Variants in TMEM132D observed in about 807,000 individuals in gnomAD.
The protein encoded by TMEM132D is mature OL transmembrane protein.
A neutral mutation model predicts 62.3 loss-of-function variants in TMEM132D; 21 were observed. The observed-to-expected ratio is 0.34, with a 90% CI of 0.24 to 0.49. The LOEUF (loss-of-function observed/expected upper bound fraction) is 0.49, where lower values mean the gene tolerates loss of function less well. TMEM132D is among the 20% of genes least tolerant of loss of function. The probability of loss-of-function intolerance (pLI) is 0.99; values close to 1 mark genes in which losing one functional copy is unlikely to be tolerated. For synonymous variants in TMEM132D, 621 were observed against 575.6 expected (o/e 1.08, Z -1.13); for missense variants, 1,346 against 1,402.8 (o/e 0.96, Z 0.65).
rs1187814264 is a variant in TMEM132D, at chr12:129,770,007, T to TG, written c.80-69310dup. On this transcript the variant is annotated intron_variant, in intron 1 of 8. Coordinates refer to ENST00000422113, the MANE Select transcript of TMEM132D (RefSeq NM_133448.3). ...CTTTTATTTTTAATTTTTGTGGAGA[T>TG]GGGGGTCTTGATTTGTTGCTGAAGC... Among the ~76,000 whole-genome samples, 25 of 151,838 alleles carry TG rather than the reference T, an allele frequency of 1.6e-4. 2 individuals carry two copies. The highest frequency in any genetic ancestry group is 4.6e-4 in the African/African-American group (19 of 41,394).
intron 2 of TMEM132D, among the ~76,000 whole-genome samples, chr12:129,604,079 C>T (rs1218325333): frequency 2.0e-5 from 3 of 152,080 alleles, no homozygotes; most frequent in Non-Finnish European, 4.4e-5. Flanking sequence ...GAAAACCAAA[C>T]ACTGCATGTT....
intron 5 of TMEM132D, among the ~76,000 whole-genome samples, chr12:129,105,688 A>G (rs1875476251): frequency 6.6e-6 from 1 of 151,356 alleles, no homozygotes; most frequent in Non-Finnish European, 1.5e-5. Flanking sequence ...ACTGGCCATC[A>G]GAGAAATGCA....
chr12:129,897,891 T>C (rs547066213), intron 1 of TMEM132D, among the ~76,000 whole-genome samples: 85 of 152,304 alleles, frequency 5.6e-4, no homozygotes, highest in African/African-American at 2.0e-3. Context: ...ACAAACCGCC[T>C]GGTTTTTAGT....
In TMEM132D at chr12:129,285,539, A is replaced by AAAAAAAAAAAAAAAAAAG. The variant is rs56018646; in HGVS notation, c.1299+52094_1299+52095insCTTTTTTTTTTTTTTTTT. 6.4e-3 allele frequency among the ~76,000 whole-genome samples: 578 copies of AAAAAAAAAAAAAAAAAAG among 89,894 alleles called. 20 individuals are homozygous for AAAAAAAAAAAAAAAAAAG. Among genetic ancestry groups the AAAAAAAAAAAAAAAAAAG allele is most frequent in the African/African-American group, 0.013 (334 of 25,628 alleles). 59.0% of individuals were successfully genotyped at this position (89,894 alleles called of 152,430 possible). A position where few individuals can be genotyped will look rare whatever the true frequency, so the allele number is the denominator to read the frequency against. ...GAGACTGTGTCTCAAAAAAAAAAAA[A>AAAAAAAAAAAAAAAAAAG]AGAGAGAGAGAGAGAGGCTCCCATT... is the stretch of plus-strand genomic sequence containing the variant. On this transcript the variant is annotated intron_variant, in intron 4 of 8. Transcript: ENST00000422113.
chr12:129,854,232 T>C (rs552605531), intron 1 of TMEM132D, among the ~76,000 whole-genome samples: 2 of 152,336 alleles, frequency 1.3e-5, no homozygotes, highest in South Asian at 2.1e-4. Context: ...GAACTTTCAC[T>C]ATGTCCCAGG....
intron 1 of TMEM132D, among the ~76,000 whole-genome samples, chr12:129,704,601 AG>A (rs1459629065): frequency 6.6e-6 from 1 of 152,198 alleles, no homozygotes; most frequent in Admixed American, 6.5e-5. Context: ...CCCAACTCAC[AG>A]AAGGCACCTT....
At chr12:129,651,562 G>C (rs918763516) in intron 2 of TMEM132D, among the ~76,000 whole-genome samples, 1 of 152,176 alleles carries the variant, frequency 6.6e-6, no homozygotes, top group African/African-American at 2.4e-5. Flanking sequence ...GTGTCTGAAA[G>C]AGCACCTAGT....
intron 1 of TMEM132D, among the ~76,000 whole-genome samples, chr12:129,877,611 G>GCA (rs1190829469): frequency 2.7e-4 from 26 of 94,984 alleles, no homozygotes; most frequent in African/African-American, 5.9e-4. Flanking sequence ...ACGCGCGCGC[G>GCA]CGCACACACA....
At chr12:129,257,844 G>A (rs77062447) in intron 4 of TMEM132D, among the ~76,000 whole-genome samples, 3,566 of 152,240 alleles carry the variant, frequency 0.023, 142 homozygotes, top group African/African-American at 0.081. Flanking sequence ...TCTGAGAAAG[G>A]GAGGAATAGC....
chr12:129,426,821 C>G (rs984827345), intron 3 of TMEM132D, among the ~76,000 whole-genome samples: 1 of 152,202 alleles, frequency 6.6e-6, no homozygotes, highest in Non-Finnish European at 1.5e-5. Flanking sequence ...CAAAGTCACA[C>G]AGCTAGGAGG....
chr12:129,866,599 A>C (rs2137373134), intron 1 of TMEM132D, among the ~76,000 whole-genome samples: 1 of 150,898 alleles, frequency 6.6e-6, no homozygotes, highest in East Asian at 1.9e-4. Context: ...TAATAAAAAT[A>C]TATTAAAAAA....
chr12:129,693,036 G>A (rs796156110), intron 2 of TMEM132D, among the ~76,000 whole-genome samples: 3 of 152,160 alleles, frequency 2.0e-5, no homozygotes, highest in African/African-American at 7.2e-5. Context: ...TGTACAATAA[G>A]TTTTGATAAA....
At chr12:129,484,184 G>A (rs182251449) in intron 3 of TMEM132D, among the ~76,000 whole-genome samples, 8 of 152,186 alleles carry the variant, frequency 5.3e-5, no homozygotes, top group Non-Finnish European at 7.4e-5. Context: ...TGGCCAGGGT[G>A]GTCTTGAACT....
chr12:129,843,304 G>A (rs1419074205), intron 1 of TMEM132D, among the ~76,000 whole-genome samples: 4 of 152,086 alleles, frequency 2.6e-5, no homozygotes, highest in Non-Finnish European at 2.9e-5. Flanking sequence ...GCCTCAATTA[G>A]AAGATAAATC....
intron 1 of TMEM132D, among the ~76,000 whole-genome samples, chr12:129,751,968 A>G (rs1372930233): frequency 6.6e-6 from 1 of 152,168 alleles, no homozygotes; most frequent in East Asian, 1.9e-4. Flanking sequence ...AATTCATACA[A>G]CATTAATCTT....
intron 4 of TMEM132D, among the ~76,000 whole-genome samples, chr12:129,314,657 A>C (rs575653707): frequency 1.0e-3 from 155 of 152,308 alleles, no homozygotes; most frequent in Admixed American, 3.5e-3. Flanking sequence ...TTCTGTGAAG[A>C]ATGCTGGTGG....
At chr12:129,394,585 A>AG (rs1245036720) in intron 3 of TMEM132D, among the ~76,000 whole-genome samples, 4 of 152,252 alleles carry the variant, frequency 2.6e-5, no homozygotes, top group African/African-American at 9.6e-5. Flanking sequence ...GGGGAGACAG[A>AG]GGGACACCCG....
chr12:129,247,864 GT>G (rs34018738), intron 4 of TMEM132D, among the ~76,000 whole-genome samples: 36,987 of 145,664 alleles, frequency 0.25, 4,606 homozygotes, highest in Non-Finnish European at 0.27. Context: ...CAATGAGCAG[GT>G]TTTTTTTTTT....
chr12:129,787,106 C>A (rs1290201301), intron 1 of TMEM132D, among the ~76,000 whole-genome samples: 5 of 151,980 alleles, frequency 3.3e-5, no homozygotes, highest in Non-Finnish European at 7.4e-5. Context: ...TGAAATTCAA[C>A]CAAGAAAATG....
Sources: allele counts gnomAD v4.1 joint callset (sites outside exome capture counted in the v4.1 genomes callset), GRCh38; gene constraint gnomAD v4.1.1; transcripts MANE v1.5; gene names NCBI Gene and HGNC (gene_info 2026-07-23, HGNC 2026-07-21).